Variants in COL22A1 observed in about 807,000 individuals in gnomAD.
The protein encoded by COL22A1 is collagen alpha-1(XXII) chain.
COL22A1 carries 221 observed loss-of-function variants against 248.9 expected under a neutral mutation model. The observed-to-expected ratio is 0.89, with a 90% confidence interval of 0.80 to 0.99. COL22A1 has a LOEUF of 0.99. Ranked by LOEUF, COL22A1 falls within the 50% of genes least tolerant of loss-of-function variation. The pLI is 0.00. For missense variants in COL22A1, 2,240 were observed against 2,179.0 expected (o/e 1.03, Z -0.56); for synonymous variants, 891 against 793.4 (o/e 1.12, Z -2.07).
chr8:138,626,378 G>A lies in COL22A1; in HGVS notation c.3664-135C>T, dbSNP rs1820241243. 7 of 746,726 alleles carry A rather than the reference G, an allele frequency of 9.4e-6. No homozygotes were observed. The South Asian group carries it at 1.2e-4, about 12-fold the overall frequency. 46.3% of individuals were successfully genotyped at this position (746,726 alleles called of 1,614,324 possible). A position where few individuals can be genotyped will look rare whatever the true frequency, so the allele number is the denominator to read the frequency against. On this transcript the variant is annotated intron_variant, in intron 50 of 64. Coordinates refer to ENST00000303045, the MANE Select transcript of COL22A1 (RefSeq NM_152888.3). ...AGAAACAAGGAGTGCTTCTGTATCA[G>A]CCTCATGGCTTTCTGAGCTGTTTCC...
intron 1 of COL22A1, among the ~76,000 whole-genome samples, chr8:138,889,103 T>G (rs1380213615): frequency 6.6e-6 from 1 of 152,168 alleles, no homozygotes; most frequent in African/African-American, 2.4e-5. Context: ...GCATCATCAT[T>G]TCCACTGGGT....
chr8:138,689,145 A>T (rs1024309727), intron 36 of COL22A1, among the ~76,000 whole-genome samples, 175 bp from the exon 37 acceptor site: 2 of 131,276 alleles, frequency 1.5e-5, no homozygotes, highest in Non-Finnish European at 3.2e-5. Flanking sequence ...CCTGCCCATG[A>T]CTGCTGCTCT....
intron 1 of COL22A1, among the ~76,000 whole-genome samples, chr8:138,908,542 G>A (rs948500812): frequency 3.2e-4 from 49 of 152,166 alleles, no homozygotes; most frequent in Non-Finnish European, 6.3e-4. Context: ...AAGAGCATAG[G>A]CTTTGTATCA....
intron 1 of COL22A1, among the ~76,000 whole-genome samples, chr8:138,907,388 T>A (rs7839358): frequency 0.58 from 88,444 of 152,050 alleles, 26,085 homozygotes; most frequent in Middle Eastern, 0.67. Context: ...AGAATTCAGC[T>A]GGAAGGGTAC....
intron 45 of COL22A1, 94 bp from the exon 46 acceptor site, chr8:138,649,872 G>A (rs921483883): frequency 1.4e-6 from 1 of 717,932 alleles, no homozygotes; most frequent in African/African-American, 1.8e-5. Flanking sequence ...TATCTCTCCA[G>A]ATGGAGATTT....
intron 1 of COL22A1, among the ~76,000 whole-genome samples, chr8:138,898,168 C>T (rs28531929): frequency 0.62 from 94,698 of 151,938 alleles, 30,484 homozygotes; most frequent in East Asian, 0.85. Context: ...CAGAGGGACA[C>T]ATTCAGTCTA....
At chr8:138,613,720 T>C (rs1366244545) in intron 56 of COL22A1, 147 bp downstream of exon 56, 2 of 769,688 alleles carry the variant, frequency 2.6e-6, no homozygotes, top group East Asian at 2.5e-5. Context: ...TAGGGGGACT[T>C]AGGGGGGCAG....
intron 25 of COL22A1, among the ~76,000 whole-genome samples, chr8:138,722,859 G>T (rs1266710998): frequency 2.9e-5 from 3 of 103,992 alleles, no homozygotes; most frequent in Admixed American, 9.5e-5. Flanking sequence ...GCGGGGGGGG[G>T]GTGGTGGAAA....
At chr8:138,726,510 A>G (rs913642422) in intron 23 of COL22A1, among the ~76,000 whole-genome samples, 2 of 151,242 alleles carry the variant, frequency 1.3e-5, no homozygotes, top group Admixed American at 6.6e-5. Flanking sequence ...AAAAAAAAAA[A>G]AAAGAAAGAA....
At position 138,760,243 on chromosome 8, in the gene COL22A1, C is replaced by T. The variant is rs1484789343; in HGVS notation, c.1902G>A (p.Lys634=). The part of the protein sequence containing the change: ...PSGVAGPQGE[K]GDVGPAGPPG... ...CCTTGACAGCCCCAGGCTCGCTCACCTTTTCTCCCTGGGGTCCTGCCACAC... is the reference window on the plus strand; with the variant it reads ...CCTTGACAGCCCCAGGCTCGCTCACTTTTTCTCCCTGGGGTCCTGCCACAC... The change falls in exon 18 of 65, where the codon AAG becomes AAA. Residue 634 remains lysine (K), a splice_region_variant and synonymous_variant. Coordinates refer to ENST00000303045, the MANE Select transcript of COL22A1 (RefSeq NM_152888.3). The T allele has an allele frequency of 8.2e-6, 13 of 1,579,200 alleles. No homozygotes were observed. The highest frequency in any genetic ancestry group is 1.8e-5 in the Admixed American group (1 of 55,626).
At chr8:138,792,688 C>A (rs974801097) in intron 12 of COL22A1, among the ~76,000 whole-genome samples, 1 of 152,210 alleles carries the variant, frequency 6.6e-6, no homozygotes, top group African/African-American at 2.4e-5. Context: ...TTTACCAGGT[C>A]CCTGGCTGTC....
At chr8:138,629,569 A>AT (rs1820538650) in intron 50 of COL22A1, among the ~76,000 whole-genome samples, 1 of 152,154 alleles carries the variant, frequency 6.6e-6, no homozygotes, top group South Asian at 2.1e-4. Flanking sequence ...TGTGGCTGTG[A>AT]TTTTTCAGAC....
intron 10 of COL22A1, among the ~76,000 whole-genome samples, chr8:138,806,338 TTG>T (rs1343261496): frequency 6.6e-6 from 1 of 151,054 alleles, no homozygotes; most frequent in African/African-American, 2.4e-5. Context: ...GTGTGATGGT[TTG>T]TGTGTGTGTC....
intron 49 of COL22A1, among the ~76,000 whole-genome samples, chr8:138,633,765 C>G (rs1040408800): frequency 1.3e-5 from 2 of 152,136 alleles, no homozygotes; most frequent in African/African-American, 4.8e-5. Flanking sequence ...TATTCAAATA[C>G]AGTGCAAAGC....
chr8:138,780,303 C>T (rs540356548), intron 13 of COL22A1, among the ~76,000 whole-genome samples: 1 of 152,292 alleles, frequency 6.6e-6, no homozygotes, highest in East Asian at 1.9e-4. Flanking sequence ...TGGACCTCAG[C>T]GTTGCTCACA....
rs371777197 is a variant in COL22A1 at position 138,660,975 on chromosome 8, T to A, written c.3241-495A>T. ...ACACAGACACACACGCACACACACA[T>A]ACACACACACATACACACATACACA... On this transcript the variant is annotated intron_variant, in intron 43 of 64. Transcript: ENST00000303045. 3.2e-3 allele frequency among the ~76,000 whole-genome samples: 165 copies of A among 52,178 alleles called. 4 individuals are homozygous for A. In the East Asian group the frequency reaches 0.11, roughly 34 times the overall value. The allele number at this position is 52,178 out of a possible 152,430, so 34.2% of individuals were successfully genotyped here.
chr8:138,766,982 C>T (rs554377446), intron 16 of COL22A1, among the ~76,000 whole-genome samples: 9 of 152,280 alleles, frequency 5.9e-5, no homozygotes, highest in South Asian at 4.1e-4. Context: ...CCCCGGGCTC[C>T]GGGGTAGAGG....
chr8:138,626,542 G>A (rs780368271), intron 50 of COL22A1, among the ~76,000 whole-genome samples: 2 of 152,156 alleles, frequency 1.3e-5, no homozygotes, highest in East Asian at 1.9e-4. Flanking sequence ...GAAGCTATTC[G>A]GGTTTTAGTA....
chr8:138,725,564 G>A (rs1050043547), intron 23 of COL22A1, 124 bp from the exon 24 acceptor site: 5 of 772,618 alleles, frequency 6.5e-6, no homozygotes, highest in African/African-American at 3.5e-5. Context: ...AACTTTATTT[G>A]TAATGCCTGA....
Sources: allele counts gnomAD v4.1 joint callset (sites outside exome capture counted in the v4.1 genomes callset), GRCh38; gene constraint gnomAD v4.1.1; transcripts MANE v1.5; gene names NCBI Gene and HGNC (gene_info 2026-07-23, HGNC 2026-07-21).